The following SLC25A21 variants were observed in gnomAD, a reference collection of about 807,000 sequenced individuals.
The protein encoded by SLC25A21 is mitochondrial 2-oxodicarboxylate carrier.
SLC25A21 carries 47 observed loss-of-function variants against 43.8 expected under a neutral mutation model. The ratio of observed to expected loss-of-function variants is 1.07; its 90% CI spans 0.85 to 1.37. The LOEUF is 1.37. Ranked by LOEUF, SLC25A21 falls within the 40% of genes most tolerant of loss-of-function variation. The pLI is 0.00. For missense variants in SLC25A21, 352 were observed against 350.2 expected, an observed-to-expected ratio of 1.00 and a Z score of -0.04; for synonymous variants, 131 against 121.3, an observed-to-expected ratio of 1.08 and a Z score of -0.52.
chr14:37,154,251 A>G (rs1195792908), intron 1 of SLC25A21, among the ~76,000 whole-genome samples: 1 of 152,110 alleles, frequency 6.6e-6, no homozygotes, highest in African/African-American at 2.4e-5. Flanking sequence ...ACCCACACAG[A>G]TATCACTAAT....
intron 1 of SLC25A21, among the ~76,000 whole-genome samples, chr14:37,017,061 T>G (rs28796569): frequency 0.38 from 58,457 of 151,840 alleles, 12,198 homozygotes; most frequent in African/African-American, 0.55. Flanking sequence ...TATCATTTGT[T>G]TGTCCACTGG....
At chr14:36,738,590 A>T (rs1242811093) in intron 3 of SLC25A21, among the ~76,000 whole-genome samples, 1 of 152,216 alleles carries the variant, frequency 6.6e-6, no homozygotes, top group Non-Finnish European at 1.5e-5. Flanking sequence ...ATGACGGCAA[A>T]GGCATCACTC....
chr14:36,987,688 T>C (rs1055834301), intron 1 of SLC25A21, among the ~76,000 whole-genome samples: 1 of 152,178 alleles, frequency 6.6e-6, no homozygotes, highest in Admixed American at 6.6e-5. Context: ...CTTCATTAAA[T>C]AGTTAGGTTG....
Position 36,679,462 on chromosome 14 carries a change from C to CTT in SLC25A21, c.*1194_*1195dup. ...TAACTTAGGACAGGTGTCATATGGACTTTCAGTTATTCTTGTTGACTTTAC... is the reference window on the plus strand; with the variant it reads ...TAACTTAGGACAGGTGTCATATGGACTTTTTCAGTTATTCTTGTTGACTTTAC... On this transcript the variant is annotated 3_prime_UTR_variant, in exon 10 of 10. Transcript: ENST00000331299. 1 of 985,380 alleles carries CTT rather than the reference C, an allele frequency of 1.0e-6. No individual in the cohort carries two copies. Among genetic ancestry groups the CTT allele is most frequent in the African/African-American group, 1.7e-5 (1 of 57,350 alleles). 61.0% of individuals were successfully genotyped at this position (985,380 alleles called of 1,614,324 possible).
chr14:36,963,096 A>C (rs531090030), intron 1 of SLC25A21, among the ~76,000 whole-genome samples: 26 of 152,280 alleles, frequency 1.7e-4, no homozygotes, highest in African/African-American at 6.0e-4. Flanking sequence ...GTCATTAAAG[A>C]GGTTGAAAGT....
At chr14:36,958,701 A>ACACG (rs1959409134) in intron 1 of SLC25A21, among the ~76,000 whole-genome samples, 1 of 151,936 alleles carries the variant, frequency 6.6e-6, no homozygotes. Context: ...ACACACACAC[A>ACACG]CACACACACA....
intron 1 of SLC25A21, among the ~76,000 whole-genome samples, chr14:36,988,643 G>A (rs1960197699): frequency 6.6e-6 from 1 of 152,168 alleles, no homozygotes; most frequent in Non-Finnish European, 1.5e-5. Context: ...TATATCTACT[G>A]TAAAGCTTTT....
At chr14:37,141,862 T>C (rs1389182100) in intron 1 of SLC25A21, among the ~76,000 whole-genome samples, 1 of 152,224 alleles carries the variant, frequency 6.6e-6, no homozygotes, top group African/African-American at 2.4e-5. Context: ...GGCTCCATCC[T>C]CAAGGATAGT....
intron 1 of SLC25A21, among the ~76,000 whole-genome samples, chr14:36,919,060 A>T (rs1336263605): frequency 6.6e-5 from 10 of 152,044 alleles, no homozygotes; most frequent in Admixed American, 6.6e-4. Context: ...CACTGGTCCT[A>T]GGAACATTCA....
intron 3 of SLC25A21, among the ~76,000 whole-genome samples, chr14:36,791,802 G>A (rs549154119): frequency 1.3e-5 from 2 of 152,264 alleles, no homozygotes; most frequent in South Asian, 2.1e-4. Context: ...AAAATGATGT[G>A]ATATTTGAAA....
chr14:37,054,794 C>T (rs917832341), intron 1 of SLC25A21, among the ~76,000 whole-genome samples: 1 of 152,148 alleles, frequency 6.6e-6, no homozygotes, highest in South Asian at 2.1e-4. Flanking sequence ...TTAAATAAAA[C>T]AATTTCTGAT....
chr14:37,165,133 T>C lies in SLC25A21; in HGVS notation c.70+7148A>G, dbSNP rs151197369. ...GGCTCACGCCTGTAATCCCAGCACT[T>C]TGGGAGGCTGTGGCGGGCGGATCAC... is the stretch of plus-strand genomic sequence containing the variant. On this transcript the variant is annotated intron_variant, in intron 1 of 9. Coordinates refer to ENST00000331299, the MANE Select transcript of SLC25A21 (RefSeq NM_030631.4). Among the ~76,000 whole-genome samples, 830 of 152,266 alleles carry C rather than the reference T, an allele frequency of 5.5e-3. 7 individuals are homozygous for C. The highest frequency in any genetic ancestry group is 0.018 in the African/African-American group (762 of 41,548).
intron 1 of SLC25A21, among the ~76,000 whole-genome samples, chr14:37,068,743 T>C (rs1318396692): frequency 6.6e-6 from 1 of 152,202 alleles, no homozygotes; most frequent in Non-Finnish European, 1.5e-5. Context: ...ACACCTGATA[T>C]GTACATCCCA....
intron 7 of SLC25A21, among the ~76,000 whole-genome samples, chr14:36,695,150 CCATT>C (rs56369960): frequency 0.21 from 31,786 of 151,850 alleles, 3,955 homozygotes; most frequent in Non-Finnish European, 0.29. Flanking sequence ...TCCCAGCGCA[CCATT>C]TATTAAATAG....
chr14:36,763,398 C>T (rs1347838246), intron 3 of SLC25A21, among the ~76,000 whole-genome samples: 2 of 152,200 alleles, frequency 1.3e-5, no homozygotes, highest in Admixed American at 6.5e-5. Context: ...TAAACTTTTT[C>T]CCTGTCCTTG....
chr14:36,702,475 C>T (rs1296613658), intron 7 of SLC25A21, among the ~76,000 whole-genome samples: 2 of 66,164 alleles, frequency 3.0e-5, no homozygotes, highest in African/African-American at 1.2e-4. Flanking sequence ...CCTGTCTCCA[C>T]AAAAAAAAAA....
rs79483671 is a variant in SLC25A21 at position 37,055,705 on chromosome 14, T to C, written c.70+116576A>G. Among the ~76,000 whole-genome samples, 2,478 of 152,262 alleles carry C rather than the reference T, an allele frequency of 0.016. 193 individuals carry two copies. The East Asian group carries it at 0.26, about 16-fold the overall frequency. On this transcript the variant is annotated intron_variant, in intron 1 of 9. Coordinates refer to ENST00000331299, the MANE Select transcript of SLC25A21 (RefSeq NM_030631.4). The stretch of plus-strand genomic sequence containing the variant: ...CATCCCCACCAAGGCCCCAGACATG[T>C]GAGTGACCATCCAGAATTGTAAATT...
chr14:36,843,335 T>A (rs1181983295), intron 2 of SLC25A21, among the ~76,000 whole-genome samples: 2 of 152,136 alleles, frequency 1.3e-5, no homozygotes, highest in African/African-American at 2.4e-5. Context: ...GTTAAAAAAG[T>A]CCATTGTCAA....
Position 36,978,844 on chromosome 14 carries a change from G to A in SLC25A21, c.71-103840C>T, listed in dbSNP as rs1002856391. Among the ~76,000 whole-genome samples the A allele has an allele frequency of 4.6e-5, 7 of 152,092 alleles. 1 individual carries two copies. Among genetic ancestry groups the A allele is most frequent in the African/African-American group, 1.2e-4 (5 of 41,402 alleles). On this transcript the variant is annotated intron_variant, in intron 1 of 9. Transcript: ENST00000331299. ...GACTCTAAATCAGGCACATTGCTAGGAGTGCTAATATCAACCCGCTGTTCT... is the reference window on the plus strand; with the variant it reads ...GACTCTAAATCAGGCACATTGCTAGAAGTGCTAATATCAACCCGCTGTTCT...
Sources: gnomAD v4.1 joint callset for allele counts (sites outside exome capture counted in the v4.1 genomes callset) on GRCh38, gnomAD v4.1.1 for gene constraint, MANE v1.5 for transcripts, NCBI Gene and HGNC (gene_info 2026-07-23, HGNC 2026-07-21) for gene names.